Variants in MIB1 observed in about 807,000 individuals in gnomAD.
The protein encoded by MIB1 is MIB E3 ubiquitin protein ligase 1, also known as E3 ubiquitin-protein ligase MIB1.
MIB1 carries 278 observed loss-of-function variants against 124.5 expected under a neutral mutation model. That is an observed-to-expected ratio of 2.23 (90% CI 2.02 to 2.47). The LOEUF is 2.47. MIB1 is among the 30% of genes most tolerant of loss of function. MIB1 has a pLI of 0.00. For missense variants in MIB1, 957 were observed against 1,254.4 expected (o/e 0.76, Z 3.58); for synonymous variants, 446 against 429.4 (o/e 1.04, Z -0.48).
intron 6 of MIB1, among the ~76,000 whole-genome samples, chr18:21,790,837 A>G (rs1454590373): frequency 6.6e-6 from 1 of 152,230 alleles, no homozygotes; most frequent in Admixed American, 6.5e-5. Context: ...ACAAACGTAT[A>G]CCAAAGTATT....
chr18:21,792,173 C>G (rs1198351953), intron 7 of MIB1, among the ~76,000 whole-genome samples: 3 of 152,066 alleles, frequency 2.0e-5, no homozygotes, highest in Admixed American at 2.0e-4. Flanking sequence ...CTTCCTTCTT[C>G]TGTTTCCCTT....
chr18:21,742,414 T>C (rs1190046032), intron 1 of MIB1, among the ~76,000 whole-genome samples: 3 of 151,952 alleles, frequency 2.0e-5, no homozygotes, highest in African/African-American at 7.2e-5. Context: ...GAGAAAAACA[T>C]CCTGAGCTCT....
chr18:21,764,728 G>GAA (rs5823309), intron 1 of MIB1, among the ~76,000 whole-genome samples: 1 of 147,108 alleles, frequency 6.8e-6, no homozygotes, highest in South Asian at 2.1e-4. Flanking sequence ...CAGTTATTTT[G>GAA]AAAAAAAAAA....
At chr18:21,788,040 G>C (rs996937100) in intron 6 of MIB1, among the ~76,000 whole-genome samples, 6 of 151,754 alleles carry the variant, frequency 4.0e-5, no homozygotes, top group Non-Finnish European at 5.9e-5. Flanking sequence ...ACTCTCCATA[G>C]TATTATATAT....
At position 21,768,657 on chromosome 18, in the gene MIB1, A is replaced by G; in HGVS notation, c.436A>G (p.Ile146Val). 1 of 1,596,096 alleles carries G rather than the reference A, an allele frequency of 6.3e-7. No individual in the cohort carries two copies. The highest frequency in any genetic ancestry group is 8.5e-7 in the Non-Finnish European group (1 of 1,170,358). The change falls in exon 3 of 21, where the codon ATT becomes GTT. Residue 146 changes from isoleucine (I) to valine (V), a missense_variant. Transcript: ENST00000261537. ...LLESRRKSKKITARGIFAGAR... is the reference protein window; with the variant it reads ...LLESRRKSKKVTARGIFAGAR... ...AGAGTCTCGTAGGAAATCTAAGAAG[A>G]TTACAGCCAGAGGAATCTTTGCAGG...
At position 21,741,475 on chromosome 18, in the gene MIB1, GC is replaced by G; in HGVS notation, c.-104del. The G allele has an allele frequency of 1.8e-6, 1 of 550,458 alleles. No individual in the cohort carries two copies. The highest frequency in any genetic ancestry group is 8.7e-5 in the South Asian group (1 of 11,490). The allele number at this position is 550,458 out of a possible 1,614,324, so 34.1% of individuals were successfully genotyped here. On this transcript the variant is annotated 5_prime_UTR_variant, in exon 1 of 21. Coordinates refer to ENST00000261537, the MANE Select transcript of MIB1 (RefSeq NM_020774.4). The surrounding 1 kb of genome is among the most constrained non-coding windows in gnomAD (Gnocchi z 5.4). ...CTCACGTCCCCCGGGGCTCGCTGCC[GC>G]CCCCGCCGACGCCTAGAGTCCGGCC...
chr18:21,756,002 G>A (rs530059023), intron 1 of MIB1, among the ~76,000 whole-genome samples: 4 of 152,170 alleles, frequency 2.6e-5, no homozygotes, highest in East Asian at 3.9e-4. Flanking sequence ...AATAAATCCC[G>A]AGAGCTTTGA....
At chr18:21,773,472 CA>C in intron 3 of MIB1, 151 bp from the exon 4 acceptor site, 1 of 579,146 alleles carries the variant, frequency 1.7e-6, no homozygotes, top group South Asian at 2.2e-5. Flanking sequence ...ACTATGTTAG[CA>C]GTGACATATT....
At chr18:21,739,287 A>G (rs1002303975), upstream of MIB1, among the ~76,000 whole-genome samples, 1 of 152,196 alleles carries the variant, frequency 6.6e-6, no homozygotes, top group Non-Finnish European at 1.5e-5. Context: ...AAATTGAGGC[A>G]ATAAGTAATA....
chr18:21,850,131 A>G (rs543155217), intron 17 of MIB1, among the ~76,000 whole-genome samples: 2 of 152,240 alleles, frequency 1.3e-5, no homozygotes, highest in South Asian at 2.1e-4. Flanking sequence ...TGAGAAGTAT[A>G]GTTCTTTTCT....
intron 2 of MIB1, 59 bp downstream of exon 2, chr18:21,766,002 C>T (rs1460287849): frequency 6.7e-7 from 1 of 1,497,994 alleles, no homozygotes. Flanking sequence ...AAGTTATGTA[C>T]TTCTGGGCCT....
chr18:21,712,373 C>T (rs2086492800), intron 1 of MIB1, among the ~76,000 whole-genome samples: 1 of 152,100 alleles, frequency 6.6e-6, no homozygotes, highest in South Asian at 2.1e-4. Context: ...TGATTCATTT[C>T]CAACCAATAC....
intron 8 of MIB1, among the ~76,000 whole-genome samples, chr18:21,798,607 T>G (rs2041613560): frequency 6.6e-6 from 1 of 152,152 alleles, no homozygotes; most frequent in South Asian, 2.1e-4. Flanking sequence ...TTTTCTGTAT[T>G]TCCAACATTA....
chr18:21,708,739 A>G (rs1466781047), intron 1 of MIB1, among the ~76,000 whole-genome samples: 2 of 152,180 alleles, frequency 1.3e-5, no homozygotes, highest in African/African-American at 2.4e-5. Context: ...CATTCATTCA[A>G]TCAGTGTCTT....
intron 1 of MIB1, among the ~76,000 whole-genome samples, chr18:21,744,498 T>C (rs1429797040): frequency 6.6e-6 from 1 of 152,198 alleles, no homozygotes; most frequent in Admixed American, 6.5e-5. Flanking sequence ...TCAAATTTTA[T>C]TTATTCAAAT....
intron 1 of MIB1, among the ~76,000 whole-genome samples, chr18:21,749,078 G>T (rs1429919691): frequency 6.6e-6 from 1 of 151,770 alleles, no homozygotes; most frequent in Non-Finnish European, 1.5e-5. Context: ...CACAGCTAAG[G>T]TTTTACTGTA....
intron 12 of MIB1, among the ~76,000 whole-genome samples, chr18:21,822,203 A>G (rs1294801196): frequency 3.3e-5 from 5 of 152,234 alleles, no homozygotes; most frequent in Admixed American, 6.5e-5. Context: ...GAGAGAATTT[A>G]GGATTTATTG....
chr18:21,808,357 C>G (rs558122849), intron 10 of MIB1, among the ~76,000 whole-genome samples: 1 of 152,240 alleles, frequency 6.6e-6, no homozygotes, highest in African/African-American at 2.4e-5. Context: ...CACAGCCATT[C>G]ATTTATTTAC....
rs2042337767 is a variant in MIB1 at position 21,868,812 on chromosome 18, A to G, written c.*4146A>G. On this transcript the variant is annotated 3_prime_UTR_variant, in exon 21 of 21. Transcript: ENST00000261537. ...TTCTTTAAAACATTAAATTTGAGGA[A>G]ACTTTAATGCTGTCTCGTGTACATT... The G allele has an allele frequency of 6.6e-6, 1 of 152,432 alleles. No homozygotes were observed. The highest frequency in any genetic ancestry group is 1.5e-5 in the Non-Finnish European group (1 of 67,900). The allele number at this position is 152,432 out of a possible 1,614,324, so 9.4% of individuals were successfully genotyped here.
Sources: gnomAD v4.1 joint callset for allele counts (sites outside exome capture counted in the v4.1 genomes callset) on GRCh38, gnomAD v4.1.1 for gene constraint, Gnocchi (gnomAD v3.1) non-coding constraint, MANE v1.5 for transcripts, NCBI Gene and HGNC (gene_info 2026-07-23, HGNC 2026-07-21) for gene names.